SORCS2: variants seen among roughly 807,000 people sequenced by gnomAD.
SORCS2 encodes VPS10 domain-containing receptor SorCS2.
A neutral mutation model predicts 141.6 loss-of-function variants in SORCS2; 100 were observed. The observed-to-expected ratio is 0.71, with a 90% CI of 0.60 to 0.83. The LOEUF (loss-of-function observed/expected upper bound fraction) is 0.83. Among genes scored for constraint, SORCS2 ranks in the 40% least tolerant of loss-of-function variants. The pLI, the probability that SORCS2 is intolerant of heterozygous loss-of-function variation, is 0.00. For synonymous variants in SORCS2, 789 were observed against 676.9 expected (o/e 1.17, Z -2.57); for missense variants, 1,646 against 1,560.2 (o/e 1.05, Z -0.93).
At chr4:7,207,728 T>A (rs1217896532) in intron 1 of SORCS2, among the ~76,000 whole-genome samples, 3 of 152,202 alleles carry the variant, frequency 2.0e-5, no homozygotes, top group Non-Finnish European at 2.9e-5. Flanking sequence ...TGGTTCCAAT[T>A]TCTTCCCATT....
intron 2 of SORCS2, among the ~76,000 whole-genome samples, chr4:7,510,222 GAGC>G (rs1223862679): frequency 6.6e-6 from 1 of 152,248 alleles, no homozygotes; most frequent in African/African-American, 2.4e-5. Context: ...CCGTCGGGTG[GAGC>G]GGCCGGCGGG....
chr4:7,608,847 C>A (rs1224966937), intron 3 of SORCS2, among the ~76,000 whole-genome samples: 1 of 152,116 alleles, frequency 6.6e-6, no homozygotes, highest in Non-Finnish European at 1.5e-5. Context: ...TGGGGCCGGG[C>A]AGGATTTGTC....
intron 1 of SORCS2, among the ~76,000 whole-genome samples, chr4:7,381,159 G>A (rs1463720533): frequency 6.6e-6 from 1 of 152,116 alleles, no homozygotes; most frequent in Non-Finnish European, 1.5e-5. Context: ...TGATTCTGGT[G>A]CAGATGTTTG....
At chr4:7,239,402 G>A (rs1384011178) in intron 1 of SORCS2, among the ~76,000 whole-genome samples, 3 of 152,246 alleles carry the variant, frequency 2.0e-5, no homozygotes, top group Admixed American at 6.5e-5. Context: ...CCCCGTGGCC[G>A]GGACAGTGGC....
At chr4:7,560,956 T>A (rs1714493832) in intron 3 of SORCS2, among the ~76,000 whole-genome samples, 1 of 152,156 alleles carries the variant, frequency 6.6e-6, no homozygotes, top group African/African-American at 2.4e-5. Flanking sequence ...TGTCCATGGC[T>A]GCAGAAGCAA....
chr4:7,562,982 G>A (rs948785124), intron 3 of SORCS2, among the ~76,000 whole-genome samples: 3 of 152,164 alleles, frequency 2.0e-5, no homozygotes, highest in Non-Finnish European at 4.4e-5. Flanking sequence ...ACATTCTGAG[G>A]TTCGAGGTGA....
chr4:7,389,320 C>T (rs907664109), intron 1 of SORCS2, among the ~76,000 whole-genome samples: 3 of 152,112 alleles, frequency 2.0e-5, no homozygotes, highest in African/African-American at 7.2e-5. Context: ...CCTGTGTGAT[C>T]CCGGGACAGG....
At chr4:7,306,392 A>G (rs1717836357) in intron 1 of SORCS2, among the ~76,000 whole-genome samples, 1 of 152,028 alleles carries the variant, frequency 6.6e-6, no homozygotes, top group South Asian at 2.1e-4. Flanking sequence ...ATCAGGTCTG[A>G]AGGAGCCAGA....
At chr4:7,720,393 G>T (rs915973192) in intron 18 of SORCS2, among the ~76,000 whole-genome samples, 1 of 152,036 alleles carries the variant, frequency 6.6e-6, no homozygotes, top group African/African-American at 2.4e-5. Context: ...TTTAAATGTC[G>T]CATGTAAAAA....
chr4:7,717,985 G>A, intron 17 of SORCS2, 27 bp from the exon 18 acceptor site: 5 of 1,576,544 alleles, frequency 3.2e-6, no homozygotes, highest in Non-Finnish European at 4.3e-6. Context: ...GTCTGAAGCG[G>A]ACCCTGACCC....
At chr4:7,241,695 G>A (rs990295356) in intron 1 of SORCS2, among the ~76,000 whole-genome samples, 24 of 152,192 alleles carry the variant, frequency 1.6e-4, no homozygotes, top group African/African-American at 5.5e-4. Context: ...ATGCCATTCC[G>A]TAGTCTCTCC....
intron 2 of SORCS2, among the ~76,000 whole-genome samples, chr4:7,414,816 A>G (rs527699362): frequency 3.9e-5 from 6 of 152,158 alleles, no homozygotes; most frequent in Non-Finnish European, 8.8e-5. Flanking sequence ...TATTTTTTGG[A>G]GAAAATTCCT....
At chr4:7,457,041 T>C (rs1728955977) in intron 2 of SORCS2, among the ~76,000 whole-genome samples, 1 of 152,102 alleles carries the variant, frequency 6.6e-6, no homozygotes, top group South Asian at 2.1e-4. Context: ...GACCTTTCTG[T>C]CCATCCCTGC....
intron 13 of SORCS2, 132 bp from the exon 14 acceptor site, chr4:7,704,045 T>G: frequency 1.4e-6 from 1 of 718,926 alleles, no homozygotes; most frequent in Non-Finnish European, 2.5e-6. Flanking sequence ...CATAAGCAGA[T>G]GTGGTATCAC....
chr4:7,274,114 A>G (rs1413723175), intron 1 of SORCS2, among the ~76,000 whole-genome samples: 1 of 151,844 alleles, frequency 6.6e-6, no homozygotes, highest in Admixed American at 6.6e-5. Context: ...GTGACCTTTC[A>G]CCCTTTCTCC....
Position 7,239,763 on chromosome 4 carries a change from C to T in SORCS2, c.480+46637C>T, listed in dbSNP as rs528774798. Reference sequence around the variant, plus strand: ...TCTGAAAAGACCACTTTTGCCCTTTCGGATGTTAGGGAAGTGAATAAAAGA... The same window carrying T: ...TCTGAAAAGACCACTTTTGCCCTTTTGGATGTTAGGGAAGTGAATAAAAGA... On this transcript the variant is annotated intron_variant, in intron 1 of 26. Transcript: ENST00000507866. 1.2e-3 allele frequency among the ~76,000 whole-genome samples: 182 copies of T among 152,320 alleles called. 1 individual carries two copies. Among genetic ancestry groups the T allele is most frequent in the Admixed American group, 2.6e-3 (40 of 15,308 alleles).
chr4:7,338,469 C>A (rs1407456011), intron 1 of SORCS2, among the ~76,000 whole-genome samples: 1 of 152,012 alleles, frequency 6.6e-6, no homozygotes, highest in African/African-American at 2.4e-5. Context: ...GGCTGCCTAC[C>A]CACCGCCGAA....
At chr4:7,544,080 C>G (rs1713057424) in intron 3 of SORCS2, among the ~76,000 whole-genome samples, 1 of 150,774 alleles carries the variant, frequency 6.6e-6, no homozygotes, top group Non-Finnish European at 1.5e-5. Flanking sequence ...ACCCATCCAT[C>G]CATCCATCCA....
At chr4:7,494,587 C>A (rs1319189697) in intron 2 of SORCS2, among the ~76,000 whole-genome samples, 1 of 152,194 alleles carries the variant, frequency 6.6e-6, no homozygotes, top group Non-Finnish European at 1.5e-5. Flanking sequence ...GGGCCCTACC[C>A]TCATGACCTC....
Sources: gnomAD v4.1 joint callset for allele counts (sites outside exome capture counted in the v4.1 genomes callset) on GRCh38, gnomAD v4.1.1 for gene constraint, MANE v1.5 for transcripts, NCBI Gene and HGNC (gene_info 2026-07-23, HGNC 2026-07-21) for gene names.